SLC45A1: variants seen among roughly 807,000 people sequenced by gnomAD.
SLC45A1 encodes the protein solute carrier family 45 member 1.
SLC45A1 carries 28 observed loss-of-function variants against 57.6 expected under a neutral mutation model. The ratio of observed to expected loss-of-function variants is 0.49; its 90% CI spans 0.36 to 0.67. The LOEUF (loss-of-function observed/expected upper bound fraction) is 0.67, where lower values mean the gene tolerates loss of function less well. Among genes scored for constraint, SLC45A1 ranks in the 30% least tolerant of loss-of-function variants. The probability of loss-of-function intolerance (pLI) is 0.00; values close to 1 mark genes in which losing one functional copy is unlikely to be tolerated. For missense variants in SLC45A1, 814 were observed against 1,041.5 expected, an observed-to-expected ratio of 0.78 and a Z score of 3.01; for synonymous variants, 459 against 471.5, an observed-to-expected ratio of 0.97 and a Z score of 0.34.
At position 8,330,201 on chromosome 1, in the gene SLC45A1, T is replaced by C. The variant is rs1350217735; in HGVS notation, c.716-8T>C. ...AGAAGGGAACTCAAACCCTGTCTCT[T>C]TCCCCAGGTCTCGGAGGAGGCTTTG... is the stretch of plus-strand genomic sequence containing the variant. On this transcript the variant is annotated splice_polypyrimidine_tract_variant and splice_region_variant and intron_variant, in intron 4 of 8. Transcript: ENST00000471889. This position sits in a 1 kb window ranked among gnomAD's most constrained non-coding sequence, Gnocchi z 8.4. 2.5e-6 allele frequency: 4 copies of C among 1,610,646 alleles called. No individual in the cohort carries two copies. In the South Asian group the frequency reaches 3.3e-5, roughly 13 times the overall value.
rs767626512 is a variant in SLC45A1, at chr1:8,343,750, G to A, written c.1984G>A (p.Ala662Thr). ...CACGTTTCTTCCTCTGGGTCAGTTT[G>A]CAGGGTCCAGTGCGGACGGCACCCG... ...LCDYYQSKKFAGSSADGTRRG... is the reference protein window; with the variant it reads ...LCDYYQSKKFTGSSADGTRRG... Residue 662 changes from alanine (A) to threonine (T), a missense_variant, in exon 9 of 9, where the codon GCA (alanine) becomes ACA (threonine). By Grantham distance (58) the Ala-to-Thr change is moderately conservative (BLOSUM62 0). Coordinates refer to ENST00000471889, the MANE Select transcript of SLC45A1 (RefSeq NM_001080397.3). This position sits in a 1 kb window ranked among gnomAD's most constrained non-coding sequence, Gnocchi z 7.7. 1.9e-6 allele frequency: 3 copies of A among 1,606,870 alleles called. No homozygotes were observed. Among genetic ancestry groups the A allele is most frequent in the Admixed American group, 3.3e-5 (2 of 59,858 alleles).
At position 8,339,596 on chromosome 1, in the gene SLC45A1, C is replaced by A. The variant is rs747485662; in HGVS notation, c.1878C>A (p.Asn626Lys). The A allele has an allele frequency of 9.9e-6, 16 of 1,614,122 alleles. No individual in the cohort carries two copies. In the Admixed American group the frequency reaches 1.2e-4, roughly 12 times the overall value. Reference sequence around the variant, plus strand: ...CCGGGCTTGCCACCCTCTCCAGGAACCTCTACGTGGTCCTGTCGCTCTGCA... The same window carrying A: ...CCGGGCTTGCCACCCTCTCCAGGAAACTCTACGTGGTCCTGTCGCTCTGCA... ...LGTGLATLSR[N>K]LYVVLSLCIT... The change falls in exon 8 of 9, where the codon AAC (asparagine) becomes AAA (lysine). Residue 626 changes from asparagine to lysine, a missense_variant. Transcript: ENST00000471889.
chr1:8,342,031 C>A (rs1640837338), intron 8 of SLC45A1, among the ~76,000 whole-genome samples: 1 of 152,092 alleles, frequency 6.6e-6, no homozygotes, highest in Non-Finnish European at 1.5e-5. Flanking sequence ...CACAGTGAAG[C>A]CCCTTCTCTA....
In SLC45A1 at chr1:8,335,356, G is replaced by T; in HGVS notation, c.1444-81G>T. 7.5e-7 allele frequency: 1 copy of T among 1,336,278 alleles called. No homozygotes were observed. Among genetic ancestry groups the T allele is most frequent in the South Asian group, 1.6e-5 (1 of 64,074 alleles). 82.8% of individuals were successfully genotyped at this position (1,336,278 alleles called of 1,614,324 possible). A position where few individuals can be genotyped will look rare whatever the true frequency, so the allele number is the denominator to read the frequency against. On this transcript the variant is annotated intron_variant, in intron 5 of 8. Transcript: ENST00000471889. The surrounding 1 kb of genome is among the most constrained non-coding windows in gnomAD (Gnocchi z 4.1). The stretch of plus-strand genomic sequence containing the variant: ...GCCTCCGTGCGGTGTTTCCGAGAGC[G>T]CATTCCCCTGAGCAGAGCAGGGTCT...
chr1:8,339,475 CCT>C lies in SLC45A1; in HGVS notation c.1775-13_1775-12del, dbSNP rs766205827. The C allele has an allele frequency of 5.0e-6, 8 of 1,613,736 alleles. No individual in the cohort carries two copies. In the Admixed American group the frequency reaches 1.3e-4, roughly 27 times the overall value. Reference sequence around the variant, plus strand: ...GCTCTGGCCGTGTGGCACTGCTCACCCTCTCTGTGGCCCGCAGCTATCCTGGA... The same window carrying C: ...GCTCTGGCCGTGTGGCACTGCTCACCCTCTGTGGCCCGCAGCTATCCTGGA... On this transcript the variant is annotated splice_polypyrimidine_tract_variant and intron_variant, in intron 7 of 8. Transcript: ENST00000471889.
intron 1 of SLC45A1, among the ~76,000 whole-genome samples, chr1:8,320,653 G>T (rs1557556497): frequency 6.8e-6 from 1 of 146,330 alleles, no homozygotes; most frequent in Non-Finnish European, 1.5e-5. Context: ...CTGTCTGTCT[G>T]TCTGTCTCTC....
In SLC45A1 at chr1:8,343,222, GACC is replaced by G. The variant is rs1264170966; in HGVS notation, c.1981-522_1981-520del. ...CCGCTCCCCACCGTCACTCTGCACA[GACC>G]ACACTCTCAGCCACTGTCCCCCAGC... is the stretch of plus-strand genomic sequence containing the variant. On this transcript the variant is annotated intron_variant, in intron 8 of 8. Transcript: ENST00000471889. This position sits in a 1 kb window ranked among gnomAD's most constrained non-coding sequence, Gnocchi z 7.7. Among the ~76,000 whole-genome samples the G allele has an allele frequency of 6.6e-6, 1 of 152,202 alleles. No individual in the cohort carries two copies. The highest frequency in any genetic ancestry group is 1.9e-4 in the East Asian group (1 of 5,176).
chr1:8,340,962 G>A (rs1374394287), intron 8 of SLC45A1, among the ~76,000 whole-genome samples: 1 of 152,158 alleles, frequency 6.6e-6, no homozygotes, highest in Non-Finnish European at 1.5e-5. Flanking sequence ...GGAGGCTGAG[G>A]TGGGTGGATC....
In SLC45A1 at chr1:8,324,515, GC is replaced by G. The variant is rs1242748075; in HGVS notation, c.192del (p.Asn65ThrfsTer44). 2 of 694,676 alleles carry G rather than the reference GC, an allele frequency of 2.9e-6. No individual in the cohort carries two copies. The highest frequency in any genetic ancestry group is 2.8e-5 in the African/African-American group (1 of 35,648). The allele number at this position is 694,676 out of a possible 1,614,324, so 43.0% of individuals were successfully genotyped here. A position where few individuals can be genotyped will look rare whatever the true frequency, so the allele number is the denominator to read the frequency against. On this transcript the variant is annotated frameshift_variant, in exon 2 of 9. Transcript: ENST00000471889. LOFTEE classifies it high-confidence loss of function. Reference sequence around the variant, plus strand: ...AGTGCATTCGTCCCTCCCCACCCCCGCCCCCCAACACCCCGTGCCCGCTTGA... The same window carrying G: ...AGTGCATTCGTCCCTCCCCACCCCCGCCCCCAACACCCCGTGCCCGCTTGA... ...RKCIRPSPPP[P>X]PNTPCPLELV... is the part of the protein sequence containing the mutation.
chr1:8,321,656 G>T (rs974919627), intron 1 of SLC45A1, among the ~76,000 whole-genome samples: 34 of 152,170 alleles, frequency 2.2e-4, no homozygotes, highest in Non-Finnish European at 4.7e-4. Flanking sequence ...TGAGTGGGTG[G>T]ATGAGTAAAT....
At position 8,321,265 on chromosome 1, in the gene SLC45A1, A is replaced by G. The variant is rs533849662; in HGVS notation, c.-24-3041A>G. ...TTCAAATGAAGTATTACTTGTCTAC[A>G]TGGTTCTTAGGTTCATCTGTTCTCT... On this transcript the variant is annotated intron_variant, in intron 1 of 8. Transcript: ENST00000471889. Among the ~76,000 whole-genome samples the G allele has an allele frequency of 1.6e-4, 25 of 152,306 alleles. No homozygotes were observed. In the South Asian group the frequency reaches 4.8e-3, roughly 29 times the overall value.
Position 8,318,116 on chromosome 1 carries a change from A to C in SLC45A1, c.-95A>C, listed in dbSNP as rs1291843539. 2 of 481,182 alleles carry C rather than the reference A, an allele frequency of 4.2e-6. No homozygotes were observed. The highest frequency in any genetic ancestry group is 3.8e-6 in the Non-Finnish European group (1 of 265,202). 29.8% of individuals were successfully genotyped at this position (481,182 alleles called of 1,614,324 possible). A position where few individuals can be genotyped will look rare whatever the true frequency, so the allele number is the denominator to read the frequency against. The stretch of plus-strand genomic sequence containing the variant: ...AGCGCCCCGCCCCGGGTGATGCTGC[A>C]GCAGCCGGGACCGCGGCCGGGCAGG... On this transcript the variant is annotated 5_prime_UTR_variant, in exon 1 of 9. Coordinates refer to ENST00000471889, the MANE Select transcript of SLC45A1 (RefSeq NM_001080397.3).
In SLC45A1 at chr1:8,320,254, G is replaced by A. The variant is rs112435005; in HGVS notation, c.-25+2068G>A. Among the ~76,000 whole-genome samples the A allele has an allele frequency of 7.9e-5, 12 of 152,214 alleles. 2 individuals carry two copies. Among genetic ancestry groups the A allele is most frequent in the East Asian group, 1.9e-4 (1 of 5,178 alleles). On this transcript the variant is annotated intron_variant, in intron 1 of 8. Coordinates refer to ENST00000471889, the MANE Select transcript of SLC45A1 (RefSeq NM_001080397.3). ...AGGACAGGCTGCAGTGGGGTGTGGC[G>A]GAGGTGGCAGTAGAGTTGTCCTCTT...
rs981012181 is a variant in SLC45A1 at position 8,343,482 on chromosome 1, C to T, written c.1981-265C>T. 1.3e-5 allele frequency among the ~76,000 whole-genome samples: 2 copies of T among 152,148 alleles called. No individual in the cohort carries two copies. The highest frequency in any genetic ancestry group is 2.4e-5 in the African/African-American group (1 of 41,430). Reference sequence around the variant, plus strand: ...GATGGGGAAGAGCTCAAGTGCTGAGCGGGGAAAGTGTCTCCCGCCACCTCG... The same window carrying T: ...GATGGGGAAGAGCTCAAGTGCTGAGTGGGGAAAGTGTCTCCCGCCACCTCG... On this transcript the variant is annotated intron_variant, in intron 8 of 8. Transcript: ENST00000471889. The surrounding 1 kb of genome is among the most constrained non-coding windows in gnomAD (Gnocchi z 7.7).
chr1:8,339,020 A>G (rs978685755), intron 7 of SLC45A1, among the ~76,000 whole-genome samples: 1 of 152,078 alleles, frequency 6.6e-6, no homozygotes, highest in Admixed American at 6.5e-5. Flanking sequence ...AACTGGCCCC[A>G]TTTTATCTGA....
At position 8,330,933 on chromosome 1, in the gene SLC45A1, G is replaced by A. The variant is rs893208126; in HGVS notation, c.1440G>A (p.Gln480=). The A allele has an allele frequency of 2.5e-6, 4 of 1,581,326 alleles. No homozygotes were observed. Among genetic ancestry groups the A allele is most frequent in the Non-Finnish European group, 3.4e-6 (4 of 1,159,526 alleles). Reference sequence around the variant, plus strand: ...GGAGAAGGAATGTGACCTTCAGTCAGCAGGTAACAGCAAATGTCGGGGGAG... The same window carrying A: ...GGAGAAGGAATGTGACCTTCAGTCAACAGGTAACAGCAAATGTCGGGGGAG... ...TSRRRNVTFS[Q]QVANILLNGV... The change falls in exon 5 of 9, where the codon CAG becomes CAA. Residue 480 remains glutamine (Q), a synonymous_variant. Transcript: ENST00000471889. The surrounding 1 kb of genome is among the most constrained non-coding windows in gnomAD (Gnocchi z 8.4).
rs1640886979 is a variant in SLC45A1 at position 8,343,238 on chromosome 1, A to G, written c.1981-509A>G. Among the ~76,000 whole-genome samples the G allele has an allele frequency of 6.6e-6, 1 of 152,142 alleles. No homozygotes were observed. The highest frequency in any genetic ancestry group is 1.5e-5 in the Non-Finnish European group (1 of 68,022). On this transcript the variant is annotated intron_variant, in intron 8 of 8. Coordinates refer to ENST00000471889, the MANE Select transcript of SLC45A1 (RefSeq NM_001080397.3). This position sits in a 1 kb window ranked among gnomAD's most constrained non-coding sequence, Gnocchi z 7.7. ...CTCTGCACAGACCACACTCTCAGCC[A>G]CTGTCCCCCAGCATGGCATGCAGGG...
rs1569972185 is a variant in SLC45A1, at chr1:8,339,393, C to G, written c.1775-100C>G. Reference sequence around the variant, plus strand: ...AGTGACCTGCCAAGCCGGGTCCCACCACTGCTAGCTTCAGGTCAGCCGCCG... The same window carrying G: ...AGTGACCTGCCAAGCCGGGTCCCACGACTGCTAGCTTCAGGTCAGCCGCCG... On this transcript the variant is annotated intron_variant, in intron 7 of 8. Coordinates refer to ENST00000471889, the MANE Select transcript of SLC45A1 (RefSeq NM_001080397.3). 31 of 1,175,526 alleles carry G rather than the reference C, an allele frequency of 2.6e-5. No homozygotes were observed. The South Asian group carries it at 3.2e-4, about 12-fold the overall frequency. The allele number at this position is 1,175,526 out of a possible 1,614,324, so 72.8% of individuals were successfully genotyped here. A position where few individuals can be genotyped will look rare whatever the true frequency, so the allele number is the denominator to read the frequency against.
chr1:8,328,396 A>G lies in SLC45A1; in HGVS notation c.716-1813A>G, dbSNP rs1203359176. 6.6e-6 allele frequency among the ~76,000 whole-genome samples: 1 copy of G among 151,872 alleles called. No individual in the cohort carries two copies. Among genetic ancestry groups the G allele is most frequent in the Non-Finnish European group, 1.5e-5 (1 of 67,972 alleles). ...TGTTGCCGCTTCTCTTCCTCTTTCC[A>G]CACGTGCGCTGCTGTGGGCGAGGGA... On this transcript the variant is annotated intron_variant, in intron 4 of 8. Transcript: ENST00000471889. The surrounding 1 kb of genome is among the most constrained non-coding windows in gnomAD (Gnocchi z 4.6).
Sources: allele counts gnomAD v4.1 joint callset (sites outside exome capture counted in the v4.1 genomes callset), GRCh38; gene constraint gnomAD v4.1.1; non-coding constraint Gnocchi (gnomAD v3.1); transcripts MANE v1.5; gene names NCBI Gene and HGNC (gene_info 2026-07-23, HGNC 2026-07-21).